Variants in GRK1 observed in about 807,000 individuals in gnomAD.
GRK1 encodes G protein-coupled receptor kinase 1.
A neutral mutation model predicts 41.7 loss-of-function variants in GRK1; 28 were observed. That is an observed-to-expected ratio of 0.67 (90% CI 0.50 to 0.92). GRK1 has a LOEUF of 0.92. GRK1 is among the 40% of genes least tolerant of loss of function. GRK1 has a pLI of 0.00. For missense variants in GRK1, 703 were observed against 671.2 expected (o/e 1.05, Z -0.52); for synonymous variants, 327 against 286.7 (o/e 1.14, Z -1.42).
At chr13:113,652,652 G>C in the GRK1 span, 1 of 650,140 alleles carries the variant, frequency 1.5e-6, no homozygotes, top group Non-Finnish European at 2.8e-6. Flanking sequence ...GTTTTAGAGG[G>C]CCGGCTATGT....
At chr13:113,653,585 C>A in the GRK1 span, 2 of 640,714 alleles carry the variant, frequency 3.1e-6, no homozygotes, top group East Asian at 2.8e-5. Flanking sequence ...AGGAAGGACC[C>A]CCAGGACAGC....
chr13:113,651,220 G>A, the GRK1 span, among the ~76,000 whole-genome samples: 1 of 152,212 alleles, frequency 6.6e-6, no homozygotes, highest in Non-Finnish European at 1.5e-5. Flanking sequence ...AAAAAATGTT[G>A]ACTTAAAAAG....
the GRK1 span, among the ~76,000 whole-genome samples, chr13:113,653,998 G>A: frequency 1.3e-5 from 2 of 152,236 alleles, no homozygotes; most frequent in Admixed American, 6.5e-5. Flanking sequence ...GGAACAGCCC[G>A]CCATCCACAC....
the GRK1 span, among the ~76,000 whole-genome samples, chr13:113,661,594 A>G: frequency 6.6e-6 from 1 of 152,150 alleles, no homozygotes; most frequent in African/African-American, 2.4e-5. Context: ...AAATGTAAAT[A>G]AAATTAATAA....
chr13:113,655,010 G>C, the GRK1 span: 5 of 1,590,620 alleles, frequency 3.1e-6, no homozygotes, highest in Non-Finnish European at 4.3e-6. Context: ...CGGTGGCCTT[G>C]AGCGCGTCCG....
Position 113,733,749 on chromosome 13 carries a change from ATG to A in GRK1, c.1396+671_1396+672del, listed in dbSNP as rs1427790445. ...TGCGCGCGTGTGTATGTGTGCATAC[ATG>A]TGTGTGCGTGTGTATGTGTGTGCAT... is the stretch of plus-strand genomic sequence containing the variant. On this transcript the variant is annotated intron_variant, in intron 6 of 6. Coordinates refer to ENST00000335678, the MANE Select transcript of GRK1 (RefSeq NM_002929.3). Among the ~76,000 whole-genome samples, 57 of 89,236 alleles carry A rather than the reference ATG, an allele frequency of 6.4e-4. 1 individual carries two copies. Among genetic ancestry groups the A allele is most frequent in the South Asian group, 1.4e-3 (5 of 3,494 alleles). 58.5% of individuals were successfully genotyped at this position (89,236 alleles called of 152,430 possible). A position where few individuals can be genotyped will look rare whatever the true frequency, so the allele number is the denominator to read the frequency against.
chr13:113,653,992 C>A, the GRK1 span, among the ~76,000 whole-genome samples: 3 of 152,254 alleles, frequency 2.0e-5, no homozygotes, highest in East Asian at 5.8e-4. Flanking sequence ...TCCTTAGGAA[C>A]AGCCCGCCAT....
upstream of GRK1, among the ~76,000 whole-genome samples, chr13:113,666,585 G>A (rs2049820769): frequency 1.3e-5 from 2 of 152,108 alleles, no homozygotes; most frequent in African/African-American, 4.8e-5. Flanking sequence ...GTCCCTCTGA[G>A]TGGGGCCTTG....
At chr13:113,661,537 C>T in the GRK1 span, among the ~76,000 whole-genome samples, 1 of 151,822 alleles carries the variant, frequency 6.6e-6, no homozygotes, top group Non-Finnish European at 1.5e-5. Flanking sequence ...GAGCAGAAAC[C>T]AATGAACTTG....
upstream of GRK1, among the ~76,000 whole-genome samples, chr13:113,665,550 T>G (rs965231768): frequency 8.8e-6 from 1 of 113,610 alleles, no homozygotes; most frequent in African/African-American, 3.5e-5. Flanking sequence ...TCAGCTGTCT[T>G]AGGTGTGTCT....
chr13:113,652,813 G>A, the GRK1 span: 31 of 1,575,792 alleles, frequency 2.0e-5, 2 homozygotes, highest in African/African-American at 3.8e-4. Flanking sequence ...TGGTGGGTGT[G>A]GGTGAGAGGC....
In GRK1 at chr13:113,667,733, A is replaced by AC; in HGVS notation, c.352dup (p.Gln118ProfsTer11). ...CAGACCATCCTGGCCCAGTACCTGG[A>AC]CCCCCAGGCCAAACTCTTCTGCAGC... On this transcript the variant is annotated frameshift_variant, in exon 1 of 7. Coordinates refer to ENST00000335678, the MANE Select transcript of GRK1 (RefSeq NM_002929.3). LOFTEE classifies it high-confidence loss of function. This position sits in a 1 kb window ranked among gnomAD's most constrained non-coding sequence, Gnocchi z 7.5. 1 of 1,613,844 alleles carries AC rather than the reference A, an allele frequency of 6.2e-7. No homozygotes were observed. Among genetic ancestry groups the AC allele is most frequent in the Non-Finnish European group, 8.5e-7 (1 of 1,179,878 alleles).
intron 4 of GRK1, among the ~76,000 whole-genome samples, chr13:113,730,217 C>G (rs1436198036): frequency 7.3e-6 from 1 of 137,442 alleles, no homozygotes; most frequent in African/African-American, 2.8e-5. Flanking sequence ...TCCATCCCGA[C>G]ACAGTCCCCC....
At chr13:113,733,890 CGTGTGTGTATGTGTGCATACAGTGT>C (rs1232487849) in intron 6 of GRK1, among the ~76,000 whole-genome samples, 1,782 of 70,532 alleles carry the variant, frequency 0.025, 113 homozygotes, top group African/African-American at 0.09. Flanking sequence ...TACGTGTGTG[CGTGTGTGTATGTGTGCATACAGTGT>C]GCGTGTGTGC....
rs2050011652 is a variant in GRK1 at position 113,737,334 on chromosome 13, A to AAGTCGGC, written c.*1971_*1972insAGTCGGC. 7 of 138,886 alleles carry AAGTCGGC rather than the reference A, an allele frequency of 5.0e-5. 1 individual carries two copies. Among genetic ancestry groups the AAGTCGGC allele is most frequent in the African/African-American group, 1.7e-4 (6 of 34,920 alleles). The allele number at this position is 138,886 out of a possible 1,614,324, so 8.6% of individuals were successfully genotyped here. A position where few individuals can be genotyped will look rare whatever the true frequency, so the allele number is the denominator to read the frequency against. On this transcript the variant is annotated 3_prime_UTR_variant, in exon 7 of 7. Transcript: ENST00000335678. ...AGGAGCACGTCTTCCCATAGATCCC[A>AAGTCGGC]CATCGGCCACACCCTGGGTGAGGAG... is the stretch of plus-strand genomic sequence containing the variant.
chr13:113,730,034 G>C (rs1219791572), intron 4 of GRK1, among the ~76,000 whole-genome samples: 1 of 145,356 alleles, frequency 6.9e-6, no homozygotes, highest in East Asian at 2.1e-4. Flanking sequence ...AGTCCCCGTG[G>C]CTGCACCCAG....
intron 6 of GRK1, among the ~76,000 whole-genome samples, chr13:113,734,182 C>T (rs1163380548): frequency 6.6e-6 from 1 of 152,178 alleles, no homozygotes; most frequent in Non-Finnish European, 1.5e-5. Flanking sequence ...TAACTTAGGA[C>T]AGGGCCACAG....
In GRK1 at chr13:113,734,236, G is replaced by A. The variant is rs192795264; in HGVS notation, c.1397-832G>A. 1.7e-3 allele frequency among the ~76,000 whole-genome samples: 265 copies of A among 152,348 alleles called. 1 individual carries two copies. Among genetic ancestry groups the A allele is most frequent in the African/African-American group, 6.0e-3 (251 of 41,580 alleles). On this transcript the variant is annotated intron_variant, in intron 6 of 6. Transcript: ENST00000335678. ...ACCCCCCAAACGAGAAGTCGCTTTCGTATGTTAGGGTCACAGCAGTGACTG... is the reference window on the plus strand; with the variant it reads ...ACCCCCCAAACGAGAAGTCGCTTTCATATGTTAGGGTCACAGCAGTGACTG...
chr13:113,669,334 G>C (rs1475797633), intron 1 of GRK1, among the ~76,000 whole-genome samples: 2 of 152,242 alleles, frequency 1.3e-5, no homozygotes, highest in Non-Finnish European at 2.9e-5. Flanking sequence ...GCCCACGGGG[G>C]CCTGGACAGG....
Sources: gnomAD v4.1 joint callset for allele counts (sites outside exome capture counted in the v4.1 genomes callset) on GRCh38, gnomAD v4.1.1 for gene constraint, Gnocchi (gnomAD v3.1) non-coding constraint, MANE v1.5 for transcripts, NCBI Gene and HGNC (gene_info 2026-07-23, HGNC 2026-07-21) for gene names.